Variants in ALDH16A1 observed in about 807,000 individuals in gnomAD.
ALDH16A1 encodes aldehyde dehydrogenase family 16 member A1.
A neutral mutation model predicts 96.1 loss-of-function variants in ALDH16A1; 88 were observed. That is an observed-to-expected ratio of 0.92 (90% CI 0.77 to 1.09). The LOEUF (loss-of-function observed/expected upper bound fraction) is 1.09. Among genes scored for constraint, ALDH16A1 ranks in the 50% least tolerant of loss-of-function variants. The pLI is 0.00. For missense variants in ALDH16A1, 1,250 were observed against 1,112.6 expected (o/e 1.12, Z -1.76); for synonymous variants, 522 against 496.4 (o/e 1.05, Z -0.69).
In ALDH16A1 at chr19:49,459,570, G is replaced by A; in HGVS notation, c.321-100G>A. The A allele has an allele frequency of 7.3e-7, 1 of 1,377,834 alleles. No individual in the cohort carries two copies. The highest frequency in any genetic ancestry group is 9.7e-7 in the Non-Finnish European group (1 of 1,030,482). 85.4% of individuals were successfully genotyped at this position (1,377,834 alleles called of 1,614,324 possible). A position where few individuals can be genotyped will look rare whatever the true frequency, so the allele number is the denominator to read the frequency against. ...CCAGGTAAATGGTGGGGATGCCTCA[G>A]GGGCTCATGGGGATTGTAGTCCAGG... On this transcript the variant is annotated intron_variant, in intron 3 of 16. Transcript: ENST00000293350. This position sits in a 1 kb window ranked among gnomAD's most constrained non-coding sequence, Gnocchi z 4.1.
rs780352346 is a variant in ALDH16A1 at position 49,461,769 on chromosome 19, T to C, written c.728T>C (p.Ile243Thr). The change falls in exon 6 of 17, where the codon ATC becomes ACC. Residue 243 changes from isoleucine (I) to threonine (T), a missense_variant. Ile to Thr is a moderately conservative substitution (Grantham distance 89). Transcript: ENST00000293350. ...LVPILASQPG[I>T]RKVAFCGAPE... Reference sequence around the variant, plus strand: ...CCCATCCTGGCCTCCCAGCCTGGAATCCGGAAGGTGGCCTTCTGCGGAGCC... The same window carrying C: ...CCCATCCTGGCCTCCCAGCCTGGAACCCGGAAGGTGGCCTTCTGCGGAGCC... The C allele has an allele frequency of 6.2e-7, 1 of 1,611,304 alleles. No individual in the cohort carries two copies.
chr19:49,461,364 T>C (rs867054784), intron 5 of ALDH16A1, among the ~76,000 whole-genome samples: 154 of 54,318 alleles, frequency 2.8e-3, no homozygotes, highest in Admixed American at 4.6e-3. Context: ...GGGGCTGGAG[T>C]CTGGACTCCT....
Position 49,453,368 on chromosome 19 carries a change from A to G in ALDH16A1, c.37A>G (p.Ile13Val). 8.9e-6 allele frequency: 14 copies of G among 1,572,794 alleles called. No individual in the cohort carries two copies. The highest frequency in any genetic ancestry group is 1.1e-5 in the Non-Finnish European group (13 of 1,161,962). The change falls in exon 1 of 17, where the codon ATC becomes GTC. Residue 13 changes from isoleucine to valine, a missense_variant. Ile to Val is a conservative substitution (Grantham distance 29, BLOSUM62 3). Transcript: ENST00000293350. ...GCGTGCAGGGCCCCGCGCCCGCGAGATCTTCACCTCGCTGGAGTACGGACC... is the reference window on the plus strand; with the variant it reads ...GCGTGCAGGGCCCCGCGCCCGCGAGGTCTTCACCTCGCTGGAGTACGGACC... ...ATRAGPRARE[I>V]FTSLEYGPVP...
In ALDH16A1 at chr19:49,460,913, T is replaced by TG. The variant is rs755445622; in HGVS notation, c.577+20dup. Reference sequence around the variant, plus strand: ...CCCTGGCTGTGGGTAAATGATGGCCTGGGGGGTCCTGACTCTTGGGTCTGA... The same window carrying TG: ...CCCTGGCTGTGGGTAAATGATGGCCTGGGGGGGTCCTGACTCTTGGGTCTGA... On this transcript the variant is annotated intron_variant, in intron 5 of 16. Transcript: ENST00000293350. The TG allele has an allele frequency of 2.4e-4, 383 of 1,610,682 alleles. No homozygotes were observed. The highest frequency in any genetic ancestry group is 3.1e-4 in the Non-Finnish European group (366 of 1,177,894).
Position 49,465,810 on chromosome 19 carries a change from C to A in ALDH16A1, c.1641C>A (p.Ile547=). 1 of 1,614,146 alleles carries A rather than the reference C, an allele frequency of 6.2e-7. No homozygotes were observed. Among genetic ancestry groups the A allele is most frequent in the Non-Finnish European group, 8.5e-7 (1 of 1,180,016 alleles). ...CTGGGGCCCGAAGCTCCAGGCCCATCCGGGATTCGTCTGGCAACCTCCATG... is the reference window on the plus strand; with the variant it reads ...CTGGGGCCCGAAGCTCCAGGCCCATACGGGATTCGTCTGGCAACCTCCATG... The part of the protein sequence containing the change: ...QAPGARSSRP[I]RDSSGNLHGY... Residue 547 remains isoleucine (I), a synonymous_variant, in exon 13 of 17, where the codon ATC becomes ATA. Transcript: ENST00000293350.
chr19:49,464,635 C>T lies in ALDH16A1; in HGVS notation c.1441C>T (p.Leu481=). 6.2e-7 allele frequency: 1 copy of T among 1,614,142 alleles called. No individual in the cohort carries two copies. The highest frequency in any genetic ancestry group is 2.2e-5 in the East Asian group (1 of 44,874). Reference sequence around the variant, plus strand: ...CTTGACACCGTCCCTCTCACAGGGGCTGTATGAGTATCTGCGGCCCTCAGG... The same window carrying T: ...CTTGACACCGTCCCTCTCACAGGGGTTGTATGAGTATCTGCGGCCCTCAGG... ...GCSWHGGPDG[L]YEYLRPSGTP... The change falls in exon 12 of 17, where the codon CTG becomes TTG. Residue 481 remains leucine (L), a synonymous_variant. Transcript: ENST00000293350.
intron 1 of ALDH16A1, 74 bp from the exon 2 acceptor site, chr19:49,458,412 G>C (rs1038234267): frequency 1.0e-4 from 121 of 1,171,878 alleles, no homozygotes; most frequent in Non-Finnish European, 1.5e-4. Context: ...TCCCCTCCTA[G>C]AGGATTCTGG....
intron 8 of ALDH16A1, among the ~76,000 whole-genome samples, chr19:49,463,083 AGGGGCTGGGGCCCG>A (rs1234308791): frequency 2.8e-5 from 1 of 35,374 alleles, no homozygotes; most frequent in Non-Finnish European, 5.0e-5. Context: ...CTGAGGGAGG[AGGGGCTGGGGCCCG>A]GATTCCTGGG....
chr19:49,453,591 C>G (rs118143551), intron 1 of ALDH16A1, 170 bp downstream of exon 1: 9 of 609,516 alleles, frequency 1.5e-5, no homozygotes, highest in Non-Finnish European at 2.5e-5. Context: ...CTCCCTTGAG[C>G]CTTGGCGGTG....
chr19:49,464,327 C>T lies in ALDH16A1; in HGVS notation c.1331+64C>T, dbSNP rs554471064. On this transcript the variant is annotated intron_variant, in intron 10 of 16. Coordinates refer to ENST00000293350, the MANE Select transcript of ALDH16A1 (RefSeq NM_153329.4). ...TTCTTCCATCTTCATCTCCCTTCTC[C>T]CTGGGTCGCTCCCCGCGCCTTTAAC... 7 of 1,584,966 alleles carry T rather than the reference C, an allele frequency of 4.4e-6. No homozygotes were observed. In the East Asian group the frequency reaches 1.6e-4, roughly 36 times the overall value.
In ALDH16A1 at chr19:49,462,612, G is replaced by C; in HGVS notation, c.955G>C (p.Ala319Pro). 6.2e-7 allele frequency: 1 copy of C among 1,613,146 alleles called. No homozygotes were observed. Residue 319 changes from alanine (A) to proline (P), a missense_variant, in exon 8 of 17, where the codon GCC (alanine) becomes CCC (proline). Ala to Pro is a conservative substitution (Grantham distance 27, BLOSUM62 -1). Coordinates refer to ENST00000293350, the MANE Select transcript of ALDH16A1 (RefSeq NM_153329.4). Reference sequence around the variant, plus strand: ...CATCCAGGAGTCTGTGTGGGATGAAGCCATGAGACGGCTGCAGGAGCGGAT... The same window carrying C: ...CATCCAGGAGTCTGTGTGGGATGAACCCATGAGACGGCTGCAGGAGCGGAT... ...LLIQESVWDE[A>P]MRRLQERMGR...
chr19:49,468,796 C>T lies in ALDH16A1; in HGVS notation c.2125-68C>T. 1.3e-6 allele frequency: 2 copies of T among 1,551,812 alleles called. No homozygotes were observed. Among genetic ancestry groups the T allele is most frequent in the Non-Finnish European group, 1.8e-6 (2 of 1,138,456 alleles). On this transcript the variant is annotated intron_variant, in intron 15 of 16. Coordinates refer to ENST00000293350, the MANE Select transcript of ALDH16A1 (RefSeq NM_153329.4). This position sits in a 1 kb window ranked among gnomAD's most constrained non-coding sequence, Gnocchi z 4.4. ...CCATCCCCTTCCCTCCCATGGGCAC[C>T]CCCTGAATGCCCACTCCTTGCCCTG...
At chr19:49,454,434 C>T (rs1282308423) in intron 1 of ALDH16A1, among the ~76,000 whole-genome samples, 1 of 152,020 alleles carries the variant, frequency 6.6e-6, no homozygotes, top group East Asian at 1.9e-4. Context: ...TGTTCAGGAA[C>T]CCCTGAAGTC....
In ALDH16A1 at chr19:49,462,771, G is replaced by A; in HGVS notation, c.1098+16G>A. 1 of 1,548,440 alleles carries A rather than the reference G, an allele frequency of 6.5e-7. No homozygotes were observed. The highest frequency in any genetic ancestry group is 2.4e-5 in the East Asian group (1 of 42,352). On this transcript the variant is annotated intron_variant, in intron 8 of 16. Coordinates refer to ENST00000293350, the MANE Select transcript of ALDH16A1 (RefSeq NM_153329.4). Reference sequence around the variant, plus strand: ...GGGTGCACAGGTGAGGCAGGGGGTAGAGACTTGAGGGTGTCAGGGGAGGAG... The same window carrying A: ...GGGTGCACAGGTGAGGCAGGGGGTAAAGACTTGAGGGTGTCAGGGGAGGAG...
rs781534078 is a variant in ALDH16A1 at position 49,466,321 on chromosome 19, C to CG, written c.1938+42dup. ...TGGGCACCTGGGCCAGCTGGGCAGG[C>CG]GGGGTGGGGCTCAGACCAGAGGCTG... On this transcript the variant is annotated intron_variant, in intron 14 of 16. Coordinates refer to ENST00000293350, the MANE Select transcript of ALDH16A1 (RefSeq NM_153329.4). 197 of 1,422,496 alleles carry CG rather than the reference C, an allele frequency of 1.4e-4. No homozygotes were observed. In the African/African-American group the frequency reaches 2.5e-3, roughly 18 times the overall value. The allele number at this position is 1,422,496 out of a possible 1,614,324, so 88.1% of individuals were successfully genotyped here.
chr19:49,461,814 A>C lies in ALDH16A1; in HGVS notation c.759+14A>C, dbSNP rs758850973. 8.1e-6 allele frequency: 13 copies of C among 1,608,458 alleles called. No homozygotes were observed. The African/African-American group carries it at 1.7e-4, about 22-fold the overall frequency. ...GGAGCCCCGGAGGTACCTTCGGGACAGGGGTCGTGGCGGAACGCGGCTGGG... is the reference window on the plus strand; with the variant it reads ...GGAGCCCCGGAGGTACCTTCGGGACCGGGGTCGTGGCGGAACGCGGCTGGG... On this transcript the variant is annotated intron_variant, in intron 6 of 16. Coordinates refer to ENST00000293350, the MANE Select transcript of ALDH16A1 (RefSeq NM_153329.4).
intron 1 of ALDH16A1, among the ~76,000 whole-genome samples, chr19:49,455,847 C>G (rs185401115): frequency 8.4e-4 from 128 of 152,328 alleles, no homozygotes; most frequent in Non-Finnish European, 1.5e-3. Flanking sequence ...GTCTCTGGGC[C>G]AGACTCAACC....
At chr19:49,463,423 C>T (rs1312500711) in intron 8 of ALDH16A1, among the ~76,000 whole-genome samples, 3 of 7,392 alleles carry the variant, frequency 4.1e-4, no homozygotes, top group Non-Finnish European at 2.6e-4. Context: ...GGGCTGGGGG[C>T]CTGGACTCCT....
In ALDH16A1 at chr19:49,468,319, G is replaced by T; in HGVS notation, c.1939-62G>T. On this transcript the variant is annotated intron_variant, in intron 14 of 16. Coordinates refer to ENST00000293350, the MANE Select transcript of ALDH16A1 (RefSeq NM_153329.4). The surrounding 1 kb of genome is among the most constrained non-coding windows in gnomAD (Gnocchi z 4.4). ...TGTTGGGGAGAATGTAGAGGAACTG[G>T]ATCTCTCATTTACTGCGGGCGGGGC... is the stretch of plus-strand genomic sequence containing the variant. The T allele has an allele frequency of 1.3e-6, 2 of 1,526,608 alleles. No homozygotes were observed. Among genetic ancestry groups the T allele is most frequent in the South Asian group, 1.2e-5 (1 of 84,032 alleles). The allele number at this position is 1,526,608 out of a possible 1,614,324, so 94.6% of individuals were successfully genotyped here.
Sources: allele counts gnomAD v4.1 joint callset (sites outside exome capture counted in the v4.1 genomes callset), GRCh38; gene constraint gnomAD v4.1.1; non-coding constraint Gnocchi (gnomAD v3.1); transcripts MANE v1.5; gene names NCBI Gene and HGNC (gene_info 2026-07-23, HGNC 2026-07-21).